CHMP7: variants seen among roughly 807,000 people sequenced by gnomAD.
CHMP7 encodes CHMP family, member 7.
A neutral mutation model predicts 53.7 loss-of-function variants in CHMP7; 15 were observed. That is an observed-to-expected ratio of 0.28 (90% CI 0.19 to 0.43). The LOEUF (loss-of-function observed/expected upper bound fraction) is 0.43, where lower values mean the gene tolerates loss of function less well. Ranked by LOEUF, CHMP7 falls within the 20% of genes least tolerant of loss-of-function variation. CHMP7 has a pLI of 1.00. For missense variants in CHMP7, 527 were observed against 569.4 expected, an observed-to-expected ratio of 0.93 and a Z score of 0.76; for synonymous variants, 261 against 228.0, an observed-to-expected ratio of 1.14 and a Z score of -1.30.
At chr8:23,252,460 A>C (rs1206949306) in intron 3 of CHMP7, 1 of 152,144 alleles carries the variant, frequency 6.6e-6, no homozygotes. Context: ...CTGGGATTAC[A>C]GGTGTGAGCC....
chr8:23,257,288 G>T (rs1226164463), intron 5 of CHMP7, among the ~76,000 whole-genome samples: 1 of 151,604 alleles, frequency 6.6e-6, no homozygotes, highest in Non-Finnish European at 1.5e-5. Flanking sequence ...TTGAGATGGG[G>T]TCTCACCATG....
intron 1 of CHMP7, among the ~76,000 whole-genome samples, chr8:23,244,094 G>T (rs112165232): frequency 3.3e-5 from 5 of 151,762 alleles, no homozygotes; most frequent in African/African-American, 1.2e-4. Flanking sequence ...CCAGTCTGTG[G>T]CTTATCTTCA....
At chr8:23,251,400 C>T (rs1319834016) in intron 3 of CHMP7, among the ~76,000 whole-genome samples, 5 of 152,160 alleles carry the variant, frequency 3.3e-5, no homozygotes, top group African/African-American at 4.8e-5. Context: ...TGTGAGAGTG[C>T]GTGAGTGTGT....
In CHMP7 at chr8:23,255,425, G is replaced by T; in HGVS notation, c.650G>T (p.Gly217Val). The change falls in exon 4 of 11, where the codon GGG (glycine) becomes GTG (valine). Residue 217 changes from glycine to valine, a missense_variant. Gly to Val is a moderately radical substitution (Grantham distance 109). Transcript: ENST00000397677. The part of the protein sequence containing the change: ...EKRVTVLEQN[G>V]EKIVKFARGP... The stretch of plus-strand genomic sequence containing the variant: ...AGGGTCACAGTCCTCGAGCAGAACG[G>T]GGAGAAGGTATGGAGGCTCATCTGT... 2 of 1,614,108 alleles carry T rather than the reference G, an allele frequency of 1.2e-6. No individual in the cohort carries two copies. Among genetic ancestry groups the T allele is most frequent in the East Asian group, 2.2e-5 (1 of 44,872 alleles).
In CHMP7 at chr8:23,246,373, C is replaced by G. The variant is rs1801681195; in HGVS notation, c.-323C>G. 2.8e-6 allele frequency: 1 copy of G among 357,898 alleles called. No individual in the cohort carries two copies. Among genetic ancestry groups the G allele is most frequent in the South Asian group, 3.3e-5 (1 of 30,458 alleles). The allele number at this position is 357,898 out of a possible 1,614,324, so 22.2% of individuals were successfully genotyped here. A position where few individuals can be genotyped will look rare whatever the true frequency, so the allele number is the denominator to read the frequency against. The stretch of plus-strand genomic sequence containing the variant: ...CCGCTGTACAACGCTTTGCCGAACT[C>G]CAGAATCTTGAAGGAGACGTAAGGT... On this transcript the variant is annotated 5_prime_UTR_variant, in exon 2 of 11. Coordinates refer to ENST00000397677, the MANE Select transcript of CHMP7 (RefSeq NM_152272.5).
chr8:23,249,490 A>G (rs1277484791), intron 3 of CHMP7, 109 bp downstream of exon 3: 3 of 820,642 alleles, frequency 3.7e-6, no homozygotes, highest in African/African-American at 3.5e-5. Context: ...TTACATGGCT[A>G]CTGAGTTGAT....
rs941994536 is a variant in CHMP7, at chr8:23,258,253, G to T, written c.841-77G>T. 5.0e-6 allele frequency: 8 copies of T among 1,589,822 alleles called. No homozygotes were observed. The African/African-American group carries it at 1.1e-4, about 21-fold the overall frequency. ...AGGGAAGAAAGCTGGGACATCCTTA[G>T]CGTCTGGGAAGGGCTGTCTTCCTCT... On this transcript the variant is annotated intron_variant, in intron 6 of 10. Coordinates refer to ENST00000397677, the MANE Select transcript of CHMP7 (RefSeq NM_152272.5).
Position 23,249,315 on chromosome 8 carries a change from T to G in CHMP7, c.405T>G (p.Leu135=). Residue 135 remains leucine (L), a synonymous_variant, in exon 3 of 11, where the codon CTT becomes CTG. Transcript: ENST00000397677. ...TGCTGAAGCCTCTCAAGTGGACTCT[T>G]TCTAACATGCTGGGAGATAATAAGG... is the stretch of plus-strand genomic sequence containing the variant. ...VFLLKPLKWT[L]SNMLGDNKVP... is the part of the protein sequence containing the mutation. 6.2e-7 allele frequency: 1 copy of G among 1,613,384 alleles called. No individual in the cohort carries two copies. The highest frequency in any genetic ancestry group is 8.5e-7 in the Non-Finnish European group (1 of 1,179,762).
At chr8:23,255,771 C>CTTT (rs56174372) in intron 4 of CHMP7, among the ~76,000 whole-genome samples, 9 of 133,022 alleles carry the variant, frequency 6.8e-5, no homozygotes, top group Admixed American at 7.7e-5. Context: ...CCTTATTGTA[C>CTTT]TTTTTTTTTT....
At chr8:23,259,860 C>T (rs1010753468) in intron 9 of CHMP7, 1 of 377,266 alleles carries the variant, frequency 2.7e-6, no homozygotes. Flanking sequence ...CGGCATTCCT[C>T]ATTCACAAGG....
intron 9 of CHMP7, 36 bp downstream of exon 9, chr8:23,259,162 A>ATTTTTTTTTTTTT (rs374301627): frequency 3.8e-6 from 2 of 530,606 alleles, no homozygotes; most frequent in African/African-American, 3.0e-5. Context: ...ATTTTTATTC[A>ATTTTTTTTTTTTT]TTTTTTTTTT....
chr8:23,258,303 C>T (rs1201713275), intron 6 of CHMP7, 27 bp from the exon 7 acceptor site: 1 of 1,613,958 alleles, frequency 6.2e-7, no homozygotes, highest in Non-Finnish European at 8.5e-7. Flanking sequence ...CCCAGTTCAG[C>T]ACTGACCTAA....
chr8:23,255,584 T>A, intron 4 of CHMP7, 152 bp downstream of exon 4: 1 of 688,846 alleles, frequency 1.5e-6, no homozygotes, highest in Non-Finnish European at 2.5e-6. Context: ...TTCCAAACAT[T>A]AACAGTTCCA....
Position 23,255,269 on chromosome 8 carries a change from G to T in CHMP7, c.494G>T (p.Arg165Leu). ...CAGGAAAAGGCTGAGGAGGTGTATC[G>T]TCTGTATCAGAACTCGCCCCTCTCC... ...LLKEKAEEVY[R>L]LYQNSPLSSH... The change falls in exon 4 of 11, where the codon CGT becomes CTT. Residue 165 changes from arginine to leucine, a missense_variant. Physicochemically the swap from Arg to Leu is moderately radical, Grantham distance 102. Transcript: ENST00000397677. 1 of 1,614,136 alleles carries T rather than the reference G, an allele frequency of 6.2e-7. No homozygotes were observed.
Position 23,246,999 on chromosome 8 carries a change from GGGGCGGGCTGGGGCCAGGGCCGCGA to G in CHMP7, c.299+14_299+38del, listed in dbSNP as rs1297932202. The G allele has an allele frequency of 8.8e-5, 133 of 1,516,664 alleles. No individual in the cohort carries two copies. The highest frequency in any genetic ancestry group is 1.1e-4 in the Non-Finnish European group (129 of 1,137,462). 94.0% of individuals were successfully genotyped at this position (1,516,664 alleles called of 1,614,324 possible). On this transcript the variant is annotated splice_donor_region_variant and intron_variant, in intron 2 of 10. Coordinates refer to ENST00000397677, the MANE Select transcript of CHMP7 (RefSeq NM_152272.5). ...GGTGCTGCAGGACCTGCTGCGGTGA[GGGGCGGGCTGGGGCCAGGGCCGCGA>G]GGGCGGGCGGGGGCAGCTCTCGGAG...
intron 2 of CHMP7, among the ~76,000 whole-genome samples, chr8:23,248,659 T>C (rs945260076): frequency 1.3e-5 from 2 of 152,220 alleles, no homozygotes; most frequent in Non-Finnish European, 2.9e-5. Flanking sequence ...TTCAGCGTAG[T>C]GACTGGCCCG....
At chr8:23,247,837 A>G (rs1194306392) in intron 2 of CHMP7, 2 of 351,162 alleles carry the variant, frequency 5.7e-6, no homozygotes, top group Non-Finnish European at 1.1e-5. Flanking sequence ...CAGTGTACTT[A>G]TCATTCTGAG....
intron 2 of CHMP7, chr8:23,248,286 T>A (rs1801790373): frequency 4.7e-6 from 2 of 429,740 alleles, no homozygotes; most frequent in South Asian, 3.2e-5. Flanking sequence ...TTAATACCTC[T>A]ATGGTGGTAT....
At chr8:23,249,106 A>G (rs150272712) in intron 2 of CHMP7, 104 bp from the exon 3 acceptor site, 25 of 968,566 alleles carry the variant, frequency 2.6e-5, no homozygotes, top group Non-Finnish European at 3.3e-5. Context: ...AATGGTCGTG[A>G]TGATAATGAT....
Sources: allele counts gnomAD v4.1 joint callset (sites outside exome capture counted in the v4.1 genomes callset), GRCh38; gene constraint gnomAD v4.1.1; transcripts MANE v1.5; gene names NCBI Gene and HGNC (gene_info 2026-07-23, HGNC 2026-07-21).